The following FNIP1 variants were observed in gnomAD, a reference collection of about 807,000 sequenced individuals.
FNIP1 encodes folliculin interacting protein 1.
A neutral mutation model predicts 124.5 loss-of-function variants in FNIP1; 40 were observed. The observed-to-expected ratio is 0.32, with a 90% CI of 0.25 to 0.42. The LOEUF (loss-of-function observed/expected upper bound fraction) is 0.42, where lower values mean the gene tolerates loss of function less well. FNIP1 is among the 10% of genes least tolerant of loss of function. FNIP1 has a pLI of 1.00. For synonymous variants in FNIP1, 472 were observed against 470.6 expected (o/e 1.00, Z -0.04); for missense variants, 1,176 against 1,403.7 (o/e 0.84, Z 2.59).
intron 13 of FNIP1, 77 bp downstream of exon 13, chr5:131,677,626 T>C: frequency 7.5e-7 from 1 of 1,335,760 alleles, no homozygotes; most frequent in Non-Finnish European, 1.0e-6. Context: ...TTATTTATTT[T>C]TGGTTTTGCT....
At chr5:131,785,989 AAAACTTATTCTGG>A (rs1164473819) in intron 1 of FNIP1, among the ~76,000 whole-genome samples, 4 of 152,050 alleles carry the variant, frequency 2.6e-5, no homozygotes, top group Non-Finnish European at 4.4e-5. Flanking sequence ...AACCGATTCC[AAAACTTATTCTGG>A]AAACTTATTC....
At chr5:131,784,432 GGTAT>G (rs1186629650) in intron 1 of FNIP1, among the ~76,000 whole-genome samples, 1 of 151,804 alleles carries the variant, frequency 6.6e-6, no homozygotes, top group Non-Finnish European at 1.5e-5. Flanking sequence ...GAAGGAGAAG[GGTAT>G]GTATGTGTGT....
intron 1 of FNIP1, among the ~76,000 whole-genome samples, chr5:131,790,583 T>G (rs551244075): frequency 2.0e-5 from 3 of 151,980 alleles, no homozygotes; most frequent in African/African-American, 4.8e-5. Context: ...TACAGAGTTC[T>G]GACTATAAAA....
intron 15 of FNIP1, among the ~76,000 whole-genome samples, chr5:131,653,898 C>T (rs981901986): frequency 2.8e-4 from 42 of 152,234 alleles, no homozygotes; most frequent in African/African-American, 1.0e-3. Flanking sequence ...TGTGCCACCA[C>T]GCCCGGCTAA....
At chr5:131,717,088 T>A (rs997748524) in intron 5 of FNIP1, among the ~76,000 whole-genome samples, 18 of 152,204 alleles carry the variant, frequency 1.2e-4, no homozygotes, top group African/African-American at 3.6e-4. Context: ...GCTGCACCCA[T>A]TAACTTGTCA....
intron 1 of FNIP1, among the ~76,000 whole-genome samples, chr5:131,777,920 A>AT (rs1462068300): frequency 6.6e-6 from 1 of 152,154 alleles, no homozygotes; most frequent in Admixed American, 6.5e-5. Context: ...TGAAATAATA[A>AT]TTACTGTAAT....
intron 1 of FNIP1, among the ~76,000 whole-genome samples, chr5:131,747,143 T>C (rs1770711273): frequency 6.6e-6 from 1 of 152,212 alleles, no homozygotes; most frequent in African/African-American, 2.4e-5. Flanking sequence ...TGTTAAATTG[T>C]TTAAATTCCT....
chr5:131,750,767 C>T (rs1329606367), intron 1 of FNIP1, among the ~76,000 whole-genome samples: 2 of 152,044 alleles, frequency 1.3e-5, no homozygotes, highest in African/African-American at 4.8e-5. Flanking sequence ...TATGTGCCAC[C>T]ACGCCCAGCT....
intron 11 of FNIP1, among the ~76,000 whole-genome samples, chr5:131,683,183 G>T (rs1244038713): frequency 1.3e-5 from 2 of 151,838 alleles, no homozygotes; most frequent in African/African-American, 4.8e-5. Context: ...GTGTCTTCAG[G>T]GGATTGGTTC....
At chr5:131,793,800 G>A (rs1246066403) in intron 1 of FNIP1, among the ~76,000 whole-genome samples, 1 of 152,090 alleles carries the variant, frequency 6.6e-6, no homozygotes, top group African/African-American at 2.4e-5. Flanking sequence ...AGTTGCCAAT[G>A]GCTAACTACA....
At chr5:131,776,114 T>G (rs1771795737) in intron 1 of FNIP1, among the ~76,000 whole-genome samples, 1 of 152,176 alleles carries the variant, frequency 6.6e-6, no homozygotes, top group South Asian at 2.1e-4. Context: ...CCAGAAAGTT[T>G]GACAAAATGC....
intron 16 of FNIP1, among the ~76,000 whole-genome samples, chr5:131,648,151 G>A (rs564852344): frequency 1.5e-5 from 2 of 135,390 alleles, no homozygotes; most frequent in Non-Finnish European, 3.1e-5. Flanking sequence ...GCAACACAGT[G>A]AGACTCTGTC....
intron 1 of FNIP1, among the ~76,000 whole-genome samples, chr5:131,782,393 C>CA (rs1177094395): frequency 2.6e-5 from 4 of 151,642 alleles, no homozygotes; most frequent in East Asian, 1.9e-4. Flanking sequence ...TACCAAAAAA[C>CA]AAAAAAACAA....
Position 131,679,102 on chromosome 5 carries a change from G to A in FNIP1, c.1276C>T (p.Pro426Ser). The A allele has an allele frequency of 6.2e-7, 1 of 1,610,094 alleles. No homozygotes were observed. The highest frequency in any genetic ancestry group is 8.5e-7 in the Non-Finnish European group (1 of 1,176,784). ...CGATAGCAAAGGTGGTTCTTTTCTGGAGTCCCCGACATCATTGTAAGCCAG... is the reference window on the plus strand; with the variant it reads ...CGATAGCAAAGGTGGTTCTTTTCTGAAGTCCCCGACATCATTGTAAGCCAG... ...PVWLTMMSGT[P>S]EKNHLCYRFM... The change falls in exon 12 of 18, where the codon CCA (proline) becomes TCA (serine). Residue 426 changes from proline (P) to serine (S), a missense_variant. By Grantham distance (74) the Pro-to-Ser change is moderately conservative. Around this residue, in one of 2 missense-constraint regions of FNIP1, gnomAD observed 1,109 missense variants for 1,288.5 expected, o/e 0.86. Transcript: ENST00000510461.
At chr5:131,747,235 C>G (rs1770713901) in intron 1 of FNIP1, among the ~76,000 whole-genome samples, 1 of 152,088 alleles carries the variant, frequency 6.6e-6, no homozygotes, top group African/African-American at 2.4e-5. Context: ...CCACCAGGCA[C>G]AATTCTTCAC....
At chr5:131,796,747 G>C (rs1772617509) in intron 1 of FNIP1, 83 bp downstream of exon 1, 2 of 1,313,362 alleles carry the variant, frequency 1.5e-6, no homozygotes, top group Non-Finnish European at 2.1e-6. Flanking sequence ...CGCTCGGGTC[G>C]GAACACCGAA....
intron 1 of FNIP1, among the ~76,000 whole-genome samples, chr5:131,775,677 G>A (rs1459104889): frequency 6.6e-6 from 1 of 151,562 alleles, no homozygotes; most frequent in South Asian, 2.1e-4. Flanking sequence ...GTAGGCGTCC[G>A]CCACCACGTC....
chr5:131,774,276 TC>T (rs1554099956), intron 1 of FNIP1, among the ~76,000 whole-genome samples: 1 of 152,158 alleles, frequency 6.6e-6, no homozygotes, highest in Non-Finnish European at 1.5e-5. Flanking sequence ...CATCCTCCCA[TC>T]TTGGCCTCCC....
At chr5:131,728,455 C>T (rs1769964296) in intron 3 of FNIP1, among the ~76,000 whole-genome samples, 3 of 152,038 alleles carry the variant, frequency 2.0e-5, no homozygotes, top group Non-Finnish European at 4.4e-5. Flanking sequence ...ATCCTTTCTT[C>T]CGCTTGATTG....
Sources: allele counts gnomAD v4.1 joint callset (sites outside exome capture counted in the v4.1 genomes callset), GRCh38; gene constraint gnomAD v4.1.1; regional missense constraint gnomAD v4.1.1; transcripts MANE v1.5; gene names NCBI Gene and HGNC (gene_info 2026-07-23, HGNC 2026-07-21).